MSRA: variants seen among roughly 807,000 people sequenced by gnomAD.
MSRA encodes the protein methionine sulfoxide reductase A, also known as mitochondrial peptide methionine sulfoxide reductase.
In MSRA, 54 loss-of-function variants were observed where a neutral mutation model predicts 31.3. That is an observed-to-expected ratio of 1.73 (90% CI 1.39 to 2.17). The LOEUF is 2.17. MSRA is among the 30% of genes most tolerant of loss of function. MSRA has a pLI of 0.00. For missense variants in MSRA, 507 were observed against 300.9 expected (o/e 1.69, Z -5.07); for synonymous variants, 169 against 116.5 (o/e 1.45, Z -2.90).
intron 3 of MSRA, among the ~76,000 whole-genome samples, chr8:10,262,164 T>C (rs1417726202): frequency 6.6e-6 from 1 of 152,212 alleles, no homozygotes; most frequent in Non-Finnish European, 1.5e-5. Context: ...TTTTGGCAAT[T>C]ATGAACAAAG....
At chr8:10,370,704 C>T (rs1805426843) in intron 5 of MSRA, among the ~76,000 whole-genome samples, 1 of 152,186 alleles carries the variant, frequency 6.6e-6, no homozygotes, top group African/African-American at 2.4e-5. Flanking sequence ...ACGTTACATA[C>T]CTGGAATATC....
rs374688779 is a variant in MSRA at position 10,428,297 on chromosome 8, G to A, written c.693G>A (p.Val231=). 4.2e-5 allele frequency: 67 copies of A among 1,611,910 alleles called. No individual in the cohort carries two copies. In the African/African-American group the frequency reaches 7.8e-4, roughly 19 times the overall value. Residue 231 remains valine, a synonymous_variant, in exon 6 of 6, where the codon GTG becomes GTA. Transcript: ENST00000317173. ...GGGGCACCGGCGTGTCCTGCCCAGT[G>A]GGTATTAAAAAATAATTTCTCCCCA... The part of the protein sequence containing the change: ...GLGGTGVSCP[V]GIKK
chr8:10,102,027 C>T (rs564675957), intron 1 of MSRA, among the ~76,000 whole-genome samples: 4 of 152,248 alleles, frequency 2.6e-5, no homozygotes, highest in African/African-American at 9.6e-5. Flanking sequence ...TGCCCTTCAG[C>T]TAAGATGTCC....
intron 1 of MSRA, among the ~76,000 whole-genome samples, chr8:10,134,896 A>G (rs1802157880): frequency 6.6e-6 from 1 of 152,208 alleles, no homozygotes. Context: ...AGTCCCAAAG[A>G]GCTCTTGCCC....
rs772218693 is a variant in MSRA, at chr8:10,409,792, C to T, written c.544-18356C>T. On this transcript the variant is annotated intron_variant, in intron 5 of 5. Coordinates refer to ENST00000317173, the MANE Select transcript of MSRA (RefSeq NM_012331.5). ...ATTTCTTCATAGAAGCTGGGCACAG[C>T]GGCCCATGCCTGTAATGTCAGTACT... 2.6e-5 allele frequency among the ~76,000 whole-genome samples: 4 copies of T among 152,232 alleles called. No individual in the cohort carries two copies. In the East Asian group the frequency reaches 5.8e-4, roughly 22 times the overall value.
intron 3 of MSRA, among the ~76,000 whole-genome samples, chr8:10,295,921 G>C (rs1314111233): frequency 6.6e-6 from 1 of 152,300 alleles, no homozygotes; most frequent in East Asian, 1.9e-4. Flanking sequence ...TCTTGCTCCT[G>C]TAGCCCCTCT....
intron 2 of MSRA, among the ~76,000 whole-genome samples, chr8:10,238,877 A>G (rs1011584445): frequency 3.3e-5 from 5 of 152,190 alleles, no homozygotes; most frequent in Non-Finnish European, 7.3e-5. Context: ...AGAAAACATA[A>G]ATGATAAAGG....
At chr8:10,313,500 A>C (rs1013281515) in intron 4 of MSRA, among the ~76,000 whole-genome samples, 48 of 152,136 alleles carry the variant, frequency 3.2e-4, no homozygotes, top group African/African-American at 8.0e-4. Flanking sequence ...AACAAACAAA[A>C]AAAAACATGG....
chr8:10,241,696 C>A (rs893035343), intron 2 of MSRA, among the ~76,000 whole-genome samples: 3 of 152,196 alleles, frequency 2.0e-5, no homozygotes, highest in Admixed American at 2.0e-4. Context: ...GCTAACTAGA[C>A]ATGAAAGAGA....
chr8:10,154,860 T>C lies in MSRA; in HGVS notation c.143-52973T>C, dbSNP rs1804013624. On this transcript the variant is annotated intron_variant, in intron 1 of 5. Transcript: ENST00000317173. ...TTCTTGGAAATAGTGATCTATTGTTTTAATGGAAAAAGGAAGTGTAGTTTT... is the reference window on the plus strand; with the variant it reads ...TTCTTGGAAATAGTGATCTATTGTTCTAATGGAAAAAGGAAGTGTAGTTTT... 3.3e-5 allele frequency among the ~76,000 whole-genome samples: 5 copies of C among 152,030 alleles called. No individual in the cohort carries two copies. The South Asian group carries it at 8.3e-4, about 25-fold the overall frequency.
In MSRA at chr8:10,336,005, A is replaced by G. The variant is rs772220382; in HGVS notation, c.543+16016A>G. Among the ~76,000 whole-genome samples the G allele has an allele frequency of 3.9e-5, 6 of 152,264 alleles. No individual in the cohort carries two copies. The East Asian group carries it at 1.2e-3, about 29-fold the overall frequency. ...TTTCCATTCTGTCACTGGGCCAGGT[A>G]GATTCCCTCTGGACATGTCACACCC... On this transcript the variant is annotated intron_variant, in intron 5 of 5. Coordinates refer to ENST00000317173, the MANE Select transcript of MSRA (RefSeq NM_012331.5).
intron 3 of MSRA, among the ~76,000 whole-genome samples, chr8:10,283,098 T>C (rs989538542): frequency 6.6e-6 from 1 of 150,434 alleles, no homozygotes; most frequent in Non-Finnish European, 1.5e-5. Context: ...AGATGATAGG[T>C]GCAGACACAT....
At chr8:10,368,178 C>T (rs1389143797) in intron 5 of MSRA, among the ~76,000 whole-genome samples, 1 of 152,188 alleles carries the variant, frequency 6.6e-6, no homozygotes, top group Non-Finnish European at 1.5e-5. Flanking sequence ...TTCACACATC[C>T]ACTCTGACTA....
At chr8:10,423,726 A>G (rs1808954402) in intron 5 of MSRA, among the ~76,000 whole-genome samples, 1 of 152,186 alleles carries the variant, frequency 6.6e-6, no homozygotes, top group South Asian at 2.1e-4. Flanking sequence ...CTGCCCATGG[A>G]ACTGGCCAGG....
At chr8:10,404,110 A>G (rs1450559565) in intron 5 of MSRA, among the ~76,000 whole-genome samples, 1 of 152,142 alleles carries the variant, frequency 6.6e-6, no homozygotes, top group African/African-American at 2.4e-5. Context: ...AAATGCTTCA[A>G]AGGATCTAGG....
chr8:10,357,331 A>G (rs1804565470), intron 5 of MSRA, among the ~76,000 whole-genome samples: 1 of 152,214 alleles, frequency 6.6e-6, no homozygotes, highest in Non-Finnish European at 1.5e-5. Flanking sequence ...CTTACAGGAA[A>G]GTCAGAATAA....
intron 1 of MSRA, among the ~76,000 whole-genome samples, chr8:10,139,090 A>G (rs568489372): frequency 3.3e-5 from 5 of 152,338 alleles, no homozygotes; most frequent in African/African-American, 9.6e-5. Flanking sequence ...AGAAGGATCA[A>G]TTTGAATTTC....
intron 5 of MSRA, among the ~76,000 whole-genome samples, chr8:10,355,245 G>C (rs957245606): frequency 6.6e-6 from 1 of 152,182 alleles, no homozygotes; most frequent in African/African-American, 2.4e-5. Context: ...TGGAAGTGCT[G>C]AGTATTGTTT....
At chr8:10,196,357 T>C (rs1279754628) in intron 1 of MSRA, among the ~76,000 whole-genome samples, 2 of 152,042 alleles carry the variant, frequency 1.3e-5, no homozygotes, top group Non-Finnish European at 2.9e-5. Flanking sequence ...GATGAGCAAG[T>C]TCCTCGGTGG....
Sources: allele counts gnomAD v4.1 joint callset (sites outside exome capture counted in the v4.1 genomes callset), GRCh38; gene constraint gnomAD v4.1.1; transcripts MANE v1.5; gene names NCBI Gene and HGNC (gene_info 2026-07-23, HGNC 2026-07-21).